FARS2: variants seen among roughly 807,000 people sequenced by gnomAD.
FARS2 encodes phenylalanine--tRNA ligase, mitochondrial.
A neutral mutation model predicts 46.4 loss-of-function variants in FARS2; 40 were observed. The ratio of observed to expected loss-of-function variants is 0.86; its 90% confidence interval spans 0.67 to 1.12. The LOEUF (loss-of-function observed/expected upper bound fraction) is 1.12. Among genes scored for constraint, FARS2 ranks in the 50% most tolerant of loss-of-function variants. FARS2 has a pLI of 0.00. For synonymous variants in FARS2, 234 were observed against 214.9 expected (o/e 1.09, Z -0.78); for missense variants, 513 against 567.9 (o/e 0.90, Z 0.98).
chr6:5,412,498 C>T (rs1582030207), intron 3 of FARS2, among the ~76,000 whole-genome samples: 1 of 152,170 alleles, frequency 6.6e-6, no homozygotes, highest in African/African-American at 2.4e-5. Flanking sequence ...ATACATGGTC[C>T]CATCCAGCAG....
intron 2 of FARS2, among the ~76,000 whole-genome samples, chr6:5,372,801 G>A (rs575671676): frequency 9.2e-5 from 14 of 152,178 alleles, no homozygotes; most frequent in African/African-American, 3.4e-4. Flanking sequence ...CAAAACTGAT[G>A]ATGTTAGCTA....
intron 5 of FARS2, among the ~76,000 whole-genome samples, chr6:5,571,628 G>T (rs985168716): frequency 1.3e-5 from 2 of 152,082 alleles, no homozygotes; most frequent in South Asian, 2.1e-4. Flanking sequence ...CCCGGCTGGG[G>T]TTCTCCCCAC....
chr6:5,761,387 A>G (rs1762468136), intron 6 of FARS2, among the ~76,000 whole-genome samples: 1 of 152,204 alleles, frequency 6.6e-6, no homozygotes, highest in Admixed American at 6.5e-5. Flanking sequence ...ATATGTATGT[A>G]TTGATCAAGC....
intron 3 of FARS2, 98 bp downstream of exon 3, chr6:5,404,799 AT>A (rs1239771280): frequency 2.3e-6 from 2 of 881,184 alleles, no homozygotes; most frequent in Non-Finnish European, 3.2e-6. Flanking sequence ...ATATTTTGAA[AT>A]TCTTTTTTTT....
chr6:5,603,460 A>G (rs1254806387), intron 5 of FARS2, among the ~76,000 whole-genome samples: 2 of 152,208 alleles, frequency 1.3e-5, no homozygotes, highest in Non-Finnish European at 2.9e-5. Flanking sequence ...AACAGGTACC[A>G]CAGCCAGCGT....
intron 5 of FARS2, among the ~76,000 whole-genome samples, chr6:5,604,536 C>T (rs979166382): frequency 2.0e-5 from 3 of 152,116 alleles, no homozygotes; most frequent in Non-Finnish European, 4.4e-5. Context: ...CCTCGGCGGA[C>T]CCCAGGCGTC....
rs147860497 is a variant in FARS2, at chr6:5,447,963, G to A, written c.904+16791G>A. ...CCTTGAAGAGTGTTCTTTTACCTTCGTCTTGAAGAATGCATAGGCCTTTGC... is the reference window on the plus strand; with the variant it reads ...CCTTGAAGAGTGTTCTTTTACCTTCATCTTGAAGAATGCATAGGCCTTTGC... On this transcript the variant is annotated intron_variant, in intron 4 of 6. Coordinates refer to ENST00000274680, the MANE Select transcript of FARS2 (RefSeq NM_006567.5). Among the ~76,000 whole-genome samples the A allele has an allele frequency of 7.2e-5, 11 of 152,334 alleles. No homozygotes were observed. In the East Asian group the frequency reaches 7.7e-4, roughly 11 times the overall value.
intron 3 of FARS2, among the ~76,000 whole-genome samples, chr6:5,423,235 G>A (rs930109449): frequency 3.3e-5 from 5 of 152,078 alleles, no homozygotes; most frequent in African/African-American, 7.2e-5. Flanking sequence ...GCCTGAGGCC[G>A]GGATGCTATT....
intron 6 of FARS2, among the ~76,000 whole-genome samples, chr6:5,767,119 G>A (rs936116813): frequency 4.0e-5 from 6 of 151,578 alleles, no homozygotes; most frequent in African/African-American, 1.2e-4. Flanking sequence ...GCAGTGGGGC[G>A]ATCTCCACTC....
Position 5,308,776 on chromosome 6 carries a change from C to G in FARS2, c.-22+47116C>G, listed in dbSNP as rs1441141044. Among the ~76,000 whole-genome samples the G allele has an allele frequency of 2.0e-5, 3 of 152,128 alleles. No individual in the cohort carries two copies. The East Asian group carries it at 5.8e-4, about 29-fold the overall frequency. ...ACTGTATTAGTTCATTTGGGCTGCTCTAACAAAATATCATAAACTGGGTGA... is the reference window on the plus strand; with the variant it reads ...ACTGTATTAGTTCATTTGGGCTGCTGTAACAAAATATCATAAACTGGGTGA... On this transcript the variant is annotated intron_variant, in intron 1 of 6. Coordinates refer to ENST00000274680, the MANE Select transcript of FARS2 (RefSeq NM_006567.5).
intron 5 of FARS2, among the ~76,000 whole-genome samples, chr6:5,582,973 G>T (rs1773420562): frequency 6.6e-6 from 1 of 152,074 alleles, no homozygotes; most frequent in South Asian, 2.1e-4. Flanking sequence ...TATTAAAATG[G>T]GTTAGCCAAG....
chr6:5,660,666 A>AG (rs1183597022), intron 6 of FARS2, among the ~76,000 whole-genome samples: 1 of 151,958 alleles, frequency 6.6e-6, no homozygotes, highest in Non-Finnish European at 1.5e-5. Context: ...AAAAAAAAAA[A>AG]AAAGTAACAG....
intron 6 of FARS2, among the ~76,000 whole-genome samples, chr6:5,770,952 C>T (rs968103306): frequency 1.3e-5 from 2 of 152,116 alleles, no homozygotes; most frequent in African/African-American, 4.8e-5. Flanking sequence ...CGTCGGGAAC[C>T]GGGGACAGGC....
intron 4 of FARS2, among the ~76,000 whole-genome samples, chr6:5,508,530 G>T (rs1185479814): frequency 6.6e-6 from 1 of 152,042 alleles, no homozygotes; most frequent in Non-Finnish European, 1.5e-5. Flanking sequence ...GGGGAGCAGA[G>T]TGCTGGCAGG....
intron 1 of FARS2, chr6:5,272,469 A>G (rs1163455836): frequency 6.6e-6 from 1 of 152,244 alleles, no homozygotes. Context: ...GAGAACAGGC[A>G]GAAAAACTAT....
intron 4 of FARS2, among the ~76,000 whole-genome samples, chr6:5,449,827 G>T (rs1764384806): frequency 1.3e-5 from 2 of 152,254 alleles, no homozygotes; most frequent in East Asian, 1.9e-4. Context: ...TTTGGATTTT[G>T]GAGCATTTAA....
chr6:5,260,478 C>T (rs1764983381), upstream of FARS2, among the ~76,000 whole-genome samples: 1 of 152,242 alleles, frequency 6.6e-6, no homozygotes, highest in Admixed American at 6.5e-5. Flanking sequence ...TCTCAGAGGC[C>T]ACACCTGTAG....
intron 6 of FARS2, among the ~76,000 whole-genome samples, chr6:5,651,091 A>G (rs1243058162): frequency 6.6e-6 from 1 of 152,224 alleles, no homozygotes; most frequent in Non-Finnish European, 1.5e-5. Context: ...CCTCTCAGGT[A>G]TAAAGTAATT....
intron 4 of FARS2, among the ~76,000 whole-genome samples, chr6:5,507,280 C>A (rs1452462041): frequency 1.3e-5 from 2 of 152,154 alleles, no homozygotes; most frequent in East Asian, 3.8e-4. Flanking sequence ...GTAACATTTA[C>A]TTAGGAACTG....
Sources: gnomAD v4.1 joint callset for allele counts (sites outside exome capture counted in the v4.1 genomes callset) on GRCh38, gnomAD v4.1.1 for gene constraint, MANE v1.5 for transcripts, NCBI Gene and HGNC (gene_info 2026-07-23, HGNC 2026-07-21) for gene names.